The following ANKRD29 variants were observed in gnomAD, a reference collection of about 807,000 sequenced individuals.
The protein encoded by ANKRD29 is ankyrin repeat domain 29.
Under a neutral mutation model 38.0 loss-of-function variants are expected in ANKRD29, and 32 were observed. That is an observed-to-expected ratio of 0.84 (90% CI 0.64 to 1.13). ANKRD29 has a LOEUF of 1.13. Ranked by LOEUF, ANKRD29 falls within the 50% of genes most tolerant of loss-of-function variation. The probability of loss-of-function intolerance (pLI) is 0.00; values close to 1 mark genes in which losing one functional copy is unlikely to be tolerated. For missense variants in ANKRD29, 357 were observed against 377.9 expected (o/e 0.94, Z 0.46); for synonymous variants, 135 against 152.4 (o/e 0.89, Z 0.84).
At chr18:23,633,813 C>G (rs1280661024) in intron 5 of ANKRD29, among the ~76,000 whole-genome samples, 2 of 152,120 alleles carry the variant, frequency 1.3e-5, no homozygotes, top group Admixed American at 1.3e-4. Context: ...TTGTGATCCA[C>G]CCACCTCGGC....
chr18:23,642,703 A>G (rs1411047236), intron 3 of ANKRD29, among the ~76,000 whole-genome samples: 1 of 152,214 alleles, frequency 6.6e-6, no homozygotes, highest in Non-Finnish European at 1.5e-5. Context: ...GTGACAGCCA[A>G]TCAGCAACAA....
chr18:23,612,075 G>T lies in ANKRD29; in HGVS notation c.822+17C>A, dbSNP rs375878372. The stretch of plus-strand genomic sequence containing the variant: ...ATCAATGGGCCCAAACGAGTTAAAA[G>T]ATTGCTTAGTGGGTACCTTGTTTCT... On this transcript the variant is annotated intron_variant, in intron 9 of 9. Coordinates refer to ENST00000592179, the MANE Select transcript of ANKRD29 (RefSeq NM_173505.4). The T allele has an allele frequency of 5.2e-4, 845 of 1,611,380 alleles. 1 individual carries two copies. The highest frequency in any genetic ancestry group is 6.7e-4 in the Non-Finnish European group (785 of 1,178,776).
intron 3 of ANKRD29, among the ~76,000 whole-genome samples, chr18:23,645,721 A>G (rs2060130566): frequency 6.6e-6 from 1 of 152,204 alleles, no homozygotes; most frequent in South Asian, 2.1e-4. Context: ...GGCTTTTTCC[A>G]GGAGAGCTTA....
intron 8 of ANKRD29, among the ~76,000 whole-genome samples, chr18:23,615,427 GA>G (rs1171029452): frequency 6.6e-6 from 1 of 152,032 alleles, no homozygotes; most frequent in Non-Finnish European, 1.5e-5. Flanking sequence ...TAGGAATTAA[GA>G]TTTTTTTTTT....
In ANKRD29 at chr18:23,662,787, C is replaced by T. The variant is rs1240358338; in HGVS notation, c.-57G>A. 1.4e-6 allele frequency: 2 copies of T among 1,407,686 alleles called. No individual in the cohort carries two copies. The highest frequency in any genetic ancestry group is 1.5e-5 in the African/African-American group (1 of 66,724). 87.2% of individuals were successfully genotyped at this position (1,407,686 alleles called of 1,614,324 possible). The stretch of plus-strand genomic sequence containing the variant: ...CTTTGGGCCCGGGGCGCCTTGTCCT[C>T]CCCGGCCCTTCACTCTCCCGGGGCT... On this transcript the variant is annotated 5_prime_UTR_variant, in exon 1 of 10. Coordinates refer to ENST00000592179, the MANE Select transcript of ANKRD29 (RefSeq NM_173505.4).
intron 1 of ANKRD29, among the ~76,000 whole-genome samples, chr18:23,653,996 G>A (rs12957850): frequency 1.6e-4 from 25 of 151,840 alleles, no homozygotes; most frequent in African/African-American, 5.8e-4. Flanking sequence ...GGCTGGGTGC[G>A]GTGTCTCACG....
chr18:23,616,567 C>CTA (rs1471082367), intron 8 of ANKRD29, among the ~76,000 whole-genome samples: 2 of 111,738 alleles, frequency 1.8e-5, no homozygotes, highest in East Asian at 2.8e-4. Flanking sequence ...TATATATACA[C>CTA]TATATATACA....
Position 23,660,592 on chromosome 18 carries a change from G to A in ANKRD29, c.21+2118C>T, listed in dbSNP as rs367874525. 2.8e-4 allele frequency among the ~76,000 whole-genome samples: 43 copies of A among 152,298 alleles called. 1 individual carries two copies. In the East Asian group the frequency reaches 6.0e-3, roughly 21 times the overall value. ...GAGGCTGAGGCGGGCGATCACGTGA[G>A]GTCAGGAGTTCGAGACCAGGCTGGC... is the stretch of plus-strand genomic sequence containing the variant. On this transcript the variant is annotated intron_variant, in intron 1 of 9. Transcript: ENST00000592179.
chr18:23,662,676 C>A (rs1012385696), intron 1 of ANKRD29, 34 bp downstream of exon 1: 2 of 1,455,870 alleles, frequency 1.4e-6, no homozygotes, highest in Non-Finnish European at 1.8e-6. Flanking sequence ...CCGAGCCCGG[C>A]CCCAGCCCTG....
Position 23,662,804 on chromosome 18 carries a change from C to T in ANKRD29, c.-74G>A, listed in dbSNP as rs1395344483. 2.3e-6 allele frequency: 3 copies of T among 1,282,122 alleles called. No individual in the cohort carries two copies. The highest frequency in any genetic ancestry group is 2.0e-6 in the Non-Finnish European group (2 of 1,010,476). 79.4% of individuals were successfully genotyped at this position (1,282,122 alleles called of 1,614,324 possible). On this transcript the variant is annotated 5_prime_UTR_variant, in exon 1 of 10. Transcript: ENST00000592179. The stretch of plus-strand genomic sequence containing the variant: ...CTTGTCCTCCCCGGCCCTTCACTCT[C>T]CCGGGGCTCTCGGCGTTCCGCAGAG...
rs934636844 is a variant in ANKRD29 at position 23,619,643 on chromosome 18, AGGC to A, written c.529-17_529-15del. The A allele has an allele frequency of 6.5e-7, 1 of 1,540,448 alleles. No individual in the cohort carries two copies. Among genetic ancestry groups the A allele is most frequent in the Admixed American group, 2.1e-5 (1 of 47,978 alleles). ...CGCTGTCCCGTCCTGCGGGAAGAGG[AGGC>A]GGCGGCCGCCGTGACTGGGGCGCCC... On this transcript the variant is annotated splice_polypyrimidine_tract_variant and intron_variant, in intron 6 of 9. Coordinates refer to ENST00000592179, the MANE Select transcript of ANKRD29 (RefSeq NM_173505.4).
chr18:23,637,705 T>C (rs912433457), intron 4 of ANKRD29, among the ~76,000 whole-genome samples: 7 of 152,080 alleles, frequency 4.6e-5, no homozygotes, highest in Non-Finnish European at 4.4e-5. Context: ...GCTCCAGTAG[T>C]TACCATTTTA....
chr18:23,619,319 G>A (rs2059764301), intron 7 of ANKRD29: 1 of 553,666 alleles, frequency 1.8e-6, no homozygotes, highest in East Asian at 3.2e-5. Flanking sequence ...CTAAGGCTAA[G>A]ATTCCACCCT....
intron 6 of ANKRD29, among the ~76,000 whole-genome samples, chr18:23,628,353 A>G (rs2145680834): frequency 6.6e-6 from 1 of 152,146 alleles, no homozygotes; most frequent in Non-Finnish European, 1.5e-5. Context: ...GACCAGAGAA[A>G]CCTGTGTCCA....
chr18:23,659,554 C>A (rs1244998608), intron 1 of ANKRD29, among the ~76,000 whole-genome samples: 1 of 151,890 alleles, frequency 6.6e-6, no homozygotes, highest in East Asian at 1.9e-4. Context: ...ACCATCCTGG[C>A]CAACATGGTG....
chr18:23,623,704 A>G (rs2059824264), intron 6 of ANKRD29, among the ~76,000 whole-genome samples: 1 of 151,556 alleles, frequency 6.6e-6, no homozygotes, highest in Non-Finnish European at 1.5e-5. Context: ...GTGCAGTGGC[A>G]CAATCTTGGC....
At chr18:23,634,872 C>T (rs974959007) in intron 4 of ANKRD29, among the ~76,000 whole-genome samples, 3 of 152,130 alleles carry the variant, frequency 2.0e-5, no homozygotes, top group Non-Finnish European at 2.9e-5. Context: ...GGGGAAACGC[C>T]GTCTTCTCCC....
intron 9 of ANKRD29, 71 bp downstream of exon 9, chr18:23,612,021 T>C: frequency 7.3e-7 from 1 of 1,362,346 alleles, no homozygotes; most frequent in South Asian, 1.2e-5. Context: ...GCCAGGGAGA[T>C]GTTTATCCTT....
rs564723287 is a variant in ANKRD29, at chr18:23,636,353, C to T, written c.331-2204G>A. On this transcript the variant is annotated intron_variant, in intron 4 of 9. Coordinates refer to ENST00000592179, the MANE Select transcript of ANKRD29 (RefSeq NM_173505.4). ...TGGGGTCTTGCTATGTGGCCCAAGC[C>T]GGTCTAGAACTCCTGGGCTCAAGCA... 6.6e-5 allele frequency among the ~76,000 whole-genome samples: 10 copies of T among 152,168 alleles called. No homozygotes were observed. In the East Asian group the frequency reaches 7.7e-4, roughly 12 times the overall value.
Sources: allele counts gnomAD v4.1 joint callset (sites outside exome capture counted in the v4.1 genomes callset), GRCh38; gene constraint gnomAD v4.1.1; transcripts MANE v1.5; gene names NCBI Gene and HGNC (gene_info 2026-07-23, HGNC 2026-07-21).